Variants in CMTR1 observed in about 807,000 individuals in gnomAD.
CMTR1 encodes the protein cap methyltransferase 1.
CMTR1 carries 39 observed loss-of-function variants against 107.0 expected under a neutral mutation model. The observed-to-expected ratio is 0.36, with a 90% CI of 0.28 to 0.48. The LOEUF (loss-of-function observed/expected upper bound fraction) is 0.48, where lower values mean the gene tolerates loss of function less well. Among genes scored for constraint, CMTR1 ranks in the 20% least tolerant of loss-of-function variants. The pLI is 0.99. For missense variants in CMTR1, 672 were observed against 1,064.9 expected, an observed-to-expected ratio of 0.63 and a Z score of 5.14; for synonymous variants, 366 against 379.5, an observed-to-expected ratio of 0.96 and a Z score of 0.41.
intron 13 of CMTR1, among the ~76,000 whole-genome samples, chr6:37,468,971 A>G (rs1181688636): frequency 6.6e-6 from 1 of 152,224 alleles, no homozygotes; most frequent in Non-Finnish European, 1.5e-5. Flanking sequence ...TGGGAGGCCA[A>G]GGCAGGTGGA....
chr6:37,479,118 TG>T, intron 22 of CMTR1, 28 bp from the exon 23 acceptor site: 2 of 1,530,542 alleles, frequency 1.3e-6, no homozygotes, highest in Non-Finnish European at 1.8e-6. Flanking sequence ...GTGTCCCTTC[TG>T]GGCTTCATCC....
rs1771724012 is a variant in CMTR1 at position 37,443,774 on chromosome 6, T to C, written c.134-225T>C. Among the ~76,000 whole-genome samples, 3 of 152,228 alleles carry C rather than the reference T, an allele frequency of 2.0e-5. No individual in the cohort carries two copies. The South Asian group carries it at 6.2e-4, about 32-fold the overall frequency. ...AAAGGGTGGGGAAGGAAAACTGTTA[T>C]TTTTGAGCTCCCATTGTGTCAAGTC... On this transcript the variant is annotated intron_variant, in intron 2 of 23. Coordinates refer to ENST00000373451, the MANE Select transcript of CMTR1 (RefSeq NM_015050.3).
chr6:37,475,434 A>C, intron 19 of CMTR1, 22 bp downstream of exon 19: 100 of 806,172 alleles, frequency 1.2e-4, no homozygotes, highest in Non-Finnish European at 1.9e-4. Context: ...GCCCCAGGGT[A>C]GGGAGGGTGG....
At chr6:37,448,516 A>G (rs1348104573) in intron 4 of CMTR1, among the ~76,000 whole-genome samples, 2 of 152,236 alleles carry the variant, frequency 1.3e-5, no homozygotes, top group Admixed American at 1.3e-4. Flanking sequence ...CTTTATGCTT[A>G]AACATGATAG....
intron 8 of CMTR1, among the ~76,000 whole-genome samples, chr6:37,454,491 C>G (rs981893263): frequency 1.9e-4 from 29 of 152,192 alleles, no homozygotes; most frequent in African/African-American, 7.0e-4. Context: ...AAATGATTTC[C>G]TTTAAACCCC....
intron 13 of CMTR1, among the ~76,000 whole-genome samples, chr6:37,467,448 C>G (rs751138285): frequency 6.6e-6 from 1 of 152,140 alleles, no homozygotes; most frequent in African/African-American, 2.4e-5. Context: ...TGTTGCTTGG[C>G]ATAATGTTCT....
chr6:37,465,974 A>G (rs573347716), intron 13 of CMTR1, among the ~76,000 whole-genome samples: 1 of 151,918 alleles, frequency 6.6e-6, no homozygotes, highest in East Asian at 1.9e-4. Context: ...GATGCACTGA[A>G]GTTTAAAATT....
chr6:37,462,991 G>T lies in CMTR1; in HGVS notation c.1488G>T (p.Met496Ile), dbSNP rs1182999703. The T allele has an allele frequency of 1.9e-6, 3 of 1,613,994 alleles. No homozygotes were observed. In the African/African-American group the frequency reaches 4.0e-5, roughly 22 times the overall value. The change falls in exon 13 of 24, where the codon ATG becomes ATT. Residue 496 changes from methionine to isoleucine, a missense_variant. Physicochemically the swap from Met to Ile is conservative, Grantham distance 10. Coordinates refer to ENST00000373451, the MANE Select transcript of CMTR1 (RefSeq NM_015050.3). ...GAGACCATGAATTTACTGACTACAT[G>T]ATACGGTCCAATGAGAGGTAAGCCA... ...IKGDHEFTDY[M>I]IRSNESHCSL...
Position 37,450,353 on chromosome 6 carries a change from C to T in CMTR1, c.537+10C>T, listed in dbSNP as rs774247982. ...GATGGTGGTGGGAAAGGTAGGCTTT[C>T]AGGAAAACGTACCCTGACTTCTTGG... On this transcript the variant is annotated intron_variant, in intron 5 of 23. Coordinates refer to ENST00000373451, the MANE Select transcript of CMTR1 (RefSeq NM_015050.3). 1 of 1,607,078 alleles carries T rather than the reference C, an allele frequency of 6.2e-7. No individual in the cohort carries two copies. Among genetic ancestry groups the T allele is most frequent in the Non-Finnish European group, 8.5e-7 (1 of 1,173,596 alleles).
intron 3 of CMTR1, among the ~76,000 whole-genome samples, chr6:37,445,447 T>G (rs1771762167): frequency 6.6e-6 from 1 of 152,092 alleles, no homozygotes; most frequent in Non-Finnish European, 1.5e-5. Context: ...AAAAAACTGT[T>G]TCTGTCCCAG....
At chr6:37,430,881 GC>G (rs1771353328), upstream of CMTR1, among the ~76,000 whole-genome samples, 3 of 152,072 alleles carry the variant, frequency 2.0e-5, no homozygotes, top group South Asian at 6.2e-4. Flanking sequence ...GGGCGTGGTG[GC>G]GGGCGCCTGT....
chr6:37,468,665 C>A (rs976592557), intron 13 of CMTR1, among the ~76,000 whole-genome samples: 3 of 151,830 alleles, frequency 2.0e-5, no homozygotes, highest in African/African-American at 7.3e-5. Flanking sequence ...AGGTGGATCA[C>A]CTGAGGTCAG....
In CMTR1 at chr6:37,475,363, G is replaced by T; in HGVS notation, c.1987G>T (p.Val663Phe). The change falls in exon 19 of 24, where the codon GTC (valine) becomes TTC (phenylalanine). Residue 663 changes from valine (V) to phenylalanine (F), a missense_variant. This residue lies in a region of CMTR1 where 583 missense variants were observed against 968.4 expected (regional missense o/e 0.60). Coordinates refer to ENST00000373451, the MANE Select transcript of CMTR1 (RefSeq NM_015050.3). ...RKISAIHILD[V>F]LVLNGTDVRE... ...GATCAGTGCCATCCACATCCTCGAT[G>T]TCCTTGTGCTGAATGGCACCGACGT... The T allele has an allele frequency of 1.9e-6, 3 of 1,613,968 alleles. No individual in the cohort carries two copies. The highest frequency in any genetic ancestry group is 2.5e-6 in the Non-Finnish European group (3 of 1,179,942).
At chr6:37,468,427 C>T (rs1761553483) in intron 13 of CMTR1, among the ~76,000 whole-genome samples, 1 of 151,994 alleles carries the variant, frequency 6.6e-6, no homozygotes, top group Non-Finnish European at 1.5e-5. Context: ...TTAAAAAGGT[C>T]CTTGGTATTT....
upstream of CMTR1, among the ~76,000 whole-genome samples, chr6:37,428,604 T>C (rs1191280381): frequency 6.6e-6 from 1 of 152,078 alleles, no homozygotes; most frequent in African/African-American, 2.4e-5. Context: ...ATTACAGATG[T>C]GTGCCACTGC....
At chr6:37,444,418 C>A (rs1278450807) in intron 3 of CMTR1, among the ~76,000 whole-genome samples, 1 of 152,146 alleles carries the variant, frequency 6.6e-6, no homozygotes, top group Non-Finnish European at 1.5e-5. Flanking sequence ...ATTCTTATTA[C>A]TAACATGTGT....
intron 6 of CMTR1, 127 bp from the exon 7 acceptor site, chr6:37,452,916 CAGTG>C (rs1761214673): frequency 1.3e-6 from 1 of 785,202 alleles, no homozygotes; most frequent in South Asian, 1.5e-5. Flanking sequence ...TAGGGTCACA[CAGTG>C]AGACATTTCA....
Position 37,472,344 on chromosome 6 carries a change from C to A in CMTR1, c.1621-75C>A. ...CTCCCCAGTCTGACCCTATCTCCTC[C>A]ACCTGCATATACTCATACACGGTCT... On this transcript the variant is annotated intron_variant, in intron 15 of 23. Coordinates refer to ENST00000373451, the MANE Select transcript of CMTR1 (RefSeq NM_015050.3). The surrounding 1 kb of genome is among the most constrained non-coding windows in gnomAD (Gnocchi z 4.1). The A allele has an allele frequency of 1.5e-6, 2 of 1,355,574 alleles. No homozygotes were observed. The highest frequency in any genetic ancestry group is 2.1e-6 in the Non-Finnish European group (2 of 945,520). 84.0% of individuals were successfully genotyped at this position (1,355,574 alleles called of 1,614,324 possible).
intron 8 of CMTR1, among the ~76,000 whole-genome samples, chr6:37,457,055 T>TA (rs759840483): frequency 2.5e-3 from 344 of 139,828 alleles, no homozygotes; most frequent in African/African-American, 4.5e-3. Context: ...ATCCTGTCTC[T>TA]AAAAAAAAAA....
Sources: allele counts gnomAD v4.1 joint callset (sites outside exome capture counted in the v4.1 genomes callset), GRCh38; gene constraint gnomAD v4.1.1; regional missense constraint gnomAD v4.1.1; non-coding constraint Gnocchi (gnomAD v3.1); transcripts MANE v1.5; gene names NCBI Gene and HGNC (gene_info 2026-07-23, HGNC 2026-07-21).